The following ABCB10 variants were observed in gnomAD, a reference collection of about 807,000 sequenced individuals.
ABCB10 encodes the protein ATP binding cassette subfamily B member 10.
Under a neutral mutation model 65.4 loss-of-function variants are expected in ABCB10, and 54 were observed. The ratio of observed to expected loss-of-function variants is 0.83; its 90% CI spans 0.66 to 1.04. The LOEUF (loss-of-function observed/expected upper bound fraction) is 1.04, where lower values mean the gene tolerates loss of function less well. ABCB10 is among the 50% of genes least tolerant of loss of function. ABCB10 has a pLI of 0.00. For synonymous variants in ABCB10, 418 were observed against 406.5 expected, an observed-to-expected ratio of 1.03 and a Z score of -0.34; for missense variants, 846 against 976.6, an observed-to-expected ratio of 0.87 and a Z score of 1.78.
chr1:229,552,106 C>A (rs1663129511), intron 1 of ABCB10, among the ~76,000 whole-genome samples: 1 of 152,102 alleles, frequency 6.6e-6, no homozygotes. Context: ...TTCAGGATAT[C>A]CCCCCACACT....
chr1:229,552,794 C>A (rs953862791), intron 1 of ABCB10, among the ~76,000 whole-genome samples: 1 of 152,194 alleles, frequency 6.6e-6, no homozygotes, highest in Admixed American at 6.6e-5. Context: ...ATCTTATCCT[C>A]GTTTTTCAGA....
chr1:229,539,760 A>T (rs987065767), intron 5 of ABCB10, among the ~76,000 whole-genome samples, 169 bp from the exon 6 acceptor site: 4 of 152,232 alleles, frequency 2.6e-5, no homozygotes, highest in Non-Finnish European at 5.9e-5. Flanking sequence ...GTAATATTGC[A>T]ATAATGAAGA....
chr1:229,555,530 T>A (rs1663227928), intron 1 of ABCB10, among the ~76,000 whole-genome samples: 1 of 152,280 alleles, frequency 6.6e-6, no homozygotes, highest in African/African-American at 2.4e-5. Flanking sequence ...GACTGTGTTT[T>A]TAAAGTTTCT....
At chr1:229,544,542 C>T (rs1045828728) in intron 3 of ABCB10, among the ~76,000 whole-genome samples, 1 of 152,108 alleles carries the variant, frequency 6.6e-6, no homozygotes, top group Non-Finnish European at 1.5e-5. Flanking sequence ...AACTGGACTT[C>T]CCCTATGTCA....
intron 11 of ABCB10, among the ~76,000 whole-genome samples, chr1:229,520,341 G>A (rs997537094): frequency 2.0e-5 from 3 of 151,526 alleles, no homozygotes; most frequent in Non-Finnish European, 2.9e-5. Context: ...GTGGTGGCGT[G>A]CATCTGTGAT....
Position 229,558,638 on chromosome 1 carries a change from A to C in ABCB10, c.15T>G (p.Pro5=). The change falls in exon 1 of 13, where the codon CCT becomes CCG. Residue 5 remains proline, a synonymous_variant. Coordinates refer to ENST00000344517, the MANE Select transcript of ABCB10 (RefSeq NM_012089.3). MRGP[P]AWPLRLLEPP... is the part of the protein sequence containing the mutation. ...GCTCGAGCAGCCGCAGCGGCCAGGC[A>C]GGGGGGCCTCGCATGGCGCTGCGTG... 1 of 1,374,774 alleles carries C rather than the reference A, an allele frequency of 7.3e-7. No individual in the cohort carries two copies. Among genetic ancestry groups the C allele is most frequent in the Non-Finnish European group, 9.4e-7 (1 of 1,065,280 alleles). 85.2% of individuals were successfully genotyped at this position (1,374,774 alleles called of 1,614,324 possible).
chr1:229,524,873 G>C (rs892929116), intron 10 of ABCB10, among the ~76,000 whole-genome samples: 3 of 150,320 alleles, frequency 2.0e-5, no homozygotes, highest in African/African-American at 7.3e-5. Flanking sequence ...TTTTTTTTTG[G>C]GACAGAGTCT....
intron 1 of ABCB10, among the ~76,000 whole-genome samples, chr1:229,556,172 T>A (rs1341476571): frequency 6.6e-6 from 1 of 152,182 alleles, no homozygotes; most frequent in East Asian, 1.9e-4. Flanking sequence ...GGTCGGGAGT[T>A]CGAGACCACC....
intron 6 of ABCB10, 150 bp from the exon 7 acceptor site, chr1:229,531,881 C>A (rs868632449): frequency 6.2e-6 from 3 of 486,530 alleles, no homozygotes; most frequent in Middle Eastern, 3.2e-4. Flanking sequence ...TTCCTGGGAA[C>A]TGATACTCAG....
At chr1:229,556,424 C>G (rs1663248984) in intron 1 of ABCB10, among the ~76,000 whole-genome samples, 1 of 151,530 alleles carries the variant, frequency 6.6e-6, no homozygotes, top group Non-Finnish European at 1.5e-5. Context: ...TGCCTGTAGT[C>G]CCAACTACTC....
chr1:229,557,431 A>G (rs1571806776), intron 1 of ABCB10, among the ~76,000 whole-genome samples: 4 of 152,388 alleles, frequency 2.6e-5, no homozygotes, highest in African/African-American at 9.6e-5. Flanking sequence ...GTGAAGATTT[A>G]GAGAAATCGA....
chr1:229,549,555 A>G, intron 1 of ABCB10, 121 bp from the exon 2 acceptor site: 1 of 943,340 alleles, frequency 1.1e-6, no homozygotes, highest in Non-Finnish European at 1.6e-6. Context: ...CTCAGTCTCT[A>G]GCAGTTTCCT....
intron 1 of ABCB10, among the ~76,000 whole-genome samples, chr1:229,550,525 C>CAAAAAAAAAAAAAAAAAAAAAAAA (rs60323914): frequency 1.6e-5 from 1 of 63,546 alleles, no homozygotes; most frequent in African/African-American, 7.5e-5. Flanking sequence ...ATGCTGTCTC[C>CAAAAAAAAAAAAAAAAAAAAAAAA]AAAAAAAAAA....
chr1:229,527,288 G>A lies in ABCB10; in HGVS notation c.1666C>T (p.His556Tyr). Reference sequence around the variant, plus strand: ...ACTGGGTTTAGCTGACGGATGTCATGGCCATCAAGACTAATAGTTCCTTGT... The same window carrying A: ...ACTGGGTTTAGCTGACGGATGTCATAGCCATCAAGACTAATAGTTCCTTGT... ...PASGTISLDG[H>Y]DIRQLNPVWL... The change falls in exon 9 of 13, where the codon CAT becomes TAT. Residue 556 changes from histidine to tyrosine, a missense_variant. By Grantham distance (83) the His-to-Tyr change is moderately conservative. Coordinates refer to ENST00000344517, the MANE Select transcript of ABCB10 (RefSeq NM_012089.3). 1.2e-6 allele frequency: 2 copies of A among 1,610,476 alleles called. No individual in the cohort carries two copies. Among genetic ancestry groups the A allele is most frequent in the Non-Finnish European group, 1.7e-6 (2 of 1,179,256 alleles).
chr1:229,519,651 T>C (rs750479046), intron 11 of ABCB10, among the ~76,000 whole-genome samples: 63 of 152,098 alleles, frequency 4.1e-4, no homozygotes, highest in South Asian at 8.3e-4. Flanking sequence ...TTAGCTGGCC[T>C]GGTGGCACAT....
chr1:229,529,667 CAAAAAAAAA>C (rs969766089), intron 8 of ABCB10, among the ~76,000 whole-genome samples: 1 of 23,210 alleles, frequency 4.3e-5, no homozygotes, highest in African/African-American at 1.8e-4. Context: ...AAGACTGTCT[CAAAAAAAAA>C]AAAAAAAAAA....
intron 11 of ABCB10, 108 bp from the exon 12 acceptor site, chr1:229,518,983 G>A (rs899086991): frequency 3.5e-6 from 3 of 867,836 alleles, no homozygotes; most frequent in African/African-American, 3.4e-5. Context: ...ATGTGGATGA[G>A]CCTTGGAAAC....
Position 229,518,124 on chromosome 1 carries a change from T to C in ABCB10, c.*55A>G. ...GTATTTCATAGTCTCTGAGTTTTTT[T>C]TCTGCAACACTGTTTTGCATTAAAG... On this transcript the variant is annotated 3_prime_UTR_variant, in exon 13 of 13. Coordinates refer to ENST00000344517, the MANE Select transcript of ABCB10 (RefSeq NM_012089.3). 7.4e-7 allele frequency: 1 copy of C among 1,351,674 alleles called. No homozygotes were observed. The highest frequency in any genetic ancestry group is 1.9e-5 in the Admixed American group (1 of 51,938). The allele number at this position is 1,351,674 out of a possible 1,614,324, so 83.7% of individuals were successfully genotyped here.
Position 229,558,189 on chromosome 1 carries a change from G to A in ABCB10, c.464C>T (p.Pro155Leu), listed in dbSNP as rs772645335. The A allele has an allele frequency of 1.4e-6, 2 of 1,429,870 alleles. No individual in the cohort carries two copies. Among genetic ancestry groups the A allele is most frequent in the African/African-American group, 3.0e-5 (2 of 67,250 alleles). 88.6% of individuals were successfully genotyped at this position (1,429,870 alleles called of 1,614,324 possible). A position where few individuals can be genotyped will look rare whatever the true frequency, so the allele number is the denominator to read the frequency against. ...GRLRPAAAGL[P>L]EARKLLGLAY... Reference sequence around the variant, plus strand: ...CAGCCCCAGGAGCTTCCGGGCCTCCGGGAGTCCGGCCGCTGCGGGGCGCAG... The same window carrying A: ...CAGCCCCAGGAGCTTCCGGGCCTCCAGGAGTCCGGCCGCTGCGGGGCGCAG... The change falls in exon 1 of 13, where the codon CCG becomes CTG. Residue 155 changes from proline (P) to leucine (L), a missense_variant. Physicochemically the swap from Pro to Leu is moderately conservative, Grantham distance 98. Coordinates refer to ENST00000344517, the MANE Select transcript of ABCB10 (RefSeq NM_012089.3).
Sources: allele counts gnomAD v4.1 joint callset (sites outside exome capture counted in the v4.1 genomes callset), GRCh38; gene constraint gnomAD v4.1.1; transcripts MANE v1.5; gene names NCBI Gene and HGNC (gene_info 2026-07-23, HGNC 2026-07-21).